PSEN1: variants seen among roughly 807,000 people sequenced by gnomAD.
PSEN1 encodes the protein presenilin-1.
Under a neutral mutation model 53.5 loss-of-function variants are expected in PSEN1, and 15 were observed. The observed-to-expected ratio is 0.28, with a 90% CI of 0.19 to 0.43. The LOEUF (loss-of-function observed/expected upper bound fraction) is 0.43. PSEN1 is among the 20% of genes least tolerant of loss of function. The probability of loss-of-function intolerance (pLI) is 1.00; values close to 1 mark genes in which losing one functional copy is unlikely to be tolerated. For synonymous variants in PSEN1, 208 were observed against 209.8 expected (o/e 0.99, Z 0.08); for missense variants, 387 against 571.2 (o/e 0.68, Z 3.29).
Position 73,173,901 on chromosome 14 carries a change from C to T in PSEN1, c.480+194C>T. The T allele has an allele frequency of 8.4e-6, 6 of 713,750 alleles. No homozygotes were observed. In the South Asian group the frequency reaches 9.9e-5, roughly 12 times the overall value. The allele number at this position is 713,750 out of a possible 1,614,324, so 44.2% of individuals were successfully genotyped here. On this transcript the variant is annotated intron_variant, in intron 5 of 11. Transcript: ENST00000324501. The stretch of plus-strand genomic sequence containing the variant: ...AAGGAAGCCAGGTGCATGTGTAATG[C>T]CAGGCTCAGAGGCTGAGGCAGGAGG...
intron 5 of PSEN1, among the ~76,000 whole-genome samples, chr14:73,179,980 C>T (rs1898160366): frequency 6.6e-6 from 1 of 151,712 alleles, no homozygotes; most frequent in Non-Finnish European, 1.5e-5. Context: ...ATCCATCCTT[C>T]ATTTTATTTT....
At chr14:73,157,326 A>G (rs915061989) in intron 3 of PSEN1, among the ~76,000 whole-genome samples, 1 of 151,166 alleles carries the variant, frequency 6.6e-6, no homozygotes, top group African/African-American at 2.4e-5. Flanking sequence ...TTAAGTACAG[A>G]TGGGGTTTCA....
In PSEN1 at chr14:73,173,727, C is replaced by T. The variant is rs777923890; in HGVS notation, c.480+20C>T. On this transcript the variant is annotated intron_variant, in intron 5 of 11. Transcript: ENST00000324501. ...TATAAGGTGAGCATGAGACACAGAT[C>T]TTTGCTTTCCACCCTGTTCTTCTTA... The T allele has an allele frequency of 1.1e-5, 18 of 1,613,074 alleles. No individual in the cohort carries two copies. The African/African-American group carries it at 1.7e-4, about 16-fold the overall frequency.
At chr14:73,195,251 C>CA (rs1373427385) in intron 7 of PSEN1, among the ~76,000 whole-genome samples, 3 of 151,746 alleles carry the variant, frequency 2.0e-5, no homozygotes, top group Non-Finnish European at 4.4e-5. Context: ...CAGCTCACTA[C>CA]AACCTCTCCC....
At chr14:73,155,343 ATTAAC>A (rs964713063) in intron 3 of PSEN1, among the ~76,000 whole-genome samples, 5 of 152,198 alleles carry the variant, frequency 3.3e-5, no homozygotes, top group African/African-American at 9.6e-5. Context: ...GTTTATAGCA[ATTAAC>A]TTAGAGTTTT....
intron 4 of PSEN1, among the ~76,000 whole-genome samples, chr14:73,171,934 ATAGCAACTTGTCCTTTCTC>A (rs774672464): frequency 3.3e-5 from 5 of 152,138 alleles, no homozygotes; most frequent in Non-Finnish European, 5.9e-5. Context: ...ATCTTTTCTC[ATAGCAACTTGTCCTTTCTC>A]ACTTGTCACA....
At chr14:73,143,427 C>T (rs1896981272) in intron 1 of PSEN1, among the ~76,000 whole-genome samples, 1 of 152,196 alleles carries the variant, frequency 6.6e-6, no homozygotes, top group Non-Finnish European at 1.5e-5. Flanking sequence ...TGTTTACACT[C>T]TCTCTGTAAC....
At chr14:73,184,407 CCT>C (rs1315319748) in intron 5 of PSEN1, among the ~76,000 whole-genome samples, 24 of 124,654 alleles carry the variant, frequency 1.9e-4, no homozygotes, top group African/African-American at 6.2e-4. Flanking sequence ...CCCCCACCTC[CCT>C]CTCCGACGGG....
chr14:73,163,800 T>C (rs564677663), intron 3 of PSEN1, among the ~76,000 whole-genome samples: 2 of 152,062 alleles, frequency 1.3e-5, no homozygotes, highest in East Asian at 3.9e-4. Flanking sequence ...GAGGAACAGT[T>C]TGTGGTCAGA....
At chr14:73,154,587 TGA>T (rs1284846523) in intron 3 of PSEN1, among the ~76,000 whole-genome samples, 1 of 152,010 alleles carries the variant, frequency 6.6e-6, no homozygotes, top group Non-Finnish European at 1.5e-5. Flanking sequence ...GGCAGCAAAG[TGA>T]GACCCTGCCT....
chr14:73,138,313 G>T (rs1896807251), intron 1 of PSEN1, among the ~76,000 whole-genome samples: 1 of 151,502 alleles, frequency 6.6e-6, no homozygotes, highest in Non-Finnish European at 1.5e-5. Context: ...CCGCCTCCCG[G>T]GTTCACGCCA....
intron 3 of PSEN1, among the ~76,000 whole-genome samples, chr14:73,157,631 C>G (rs1476634629): frequency 6.6e-6 from 1 of 152,110 alleles, no homozygotes; most frequent in African/African-American, 2.4e-5. Context: ...CTTCTCCTCC[C>G]TGATTCCTCC....
intron 6 of PSEN1, among the ~76,000 whole-genome samples, chr14:73,190,352 G>T (rs1481525890): frequency 6.6e-6 from 1 of 151,856 alleles, no homozygotes; most frequent in Non-Finnish European, 1.5e-5. Context: ...AGCCAGGCGT[G>T]GTGGTGCATG....
chr14:73,176,909 C>T (rs1307557320), intron 5 of PSEN1, among the ~76,000 whole-genome samples: 2 of 152,216 alleles, frequency 1.3e-5, no homozygotes, highest in Admixed American at 1.3e-4. Context: ...CAGTCCTCAG[C>T]TCCCTGAAGT....
At chr14:73,148,564 G>A (rs1424001765) in intron 3 of PSEN1, among the ~76,000 whole-genome samples, 1 of 152,134 alleles carries the variant, frequency 6.6e-6, no homozygotes, top group Non-Finnish European at 1.5e-5. Context: ...CTGTGCTGTC[G>A]GACAAAGAGA....
chr14:73,163,670 C>G (rs1897624030), intron 3 of PSEN1, among the ~76,000 whole-genome samples: 1 of 152,122 alleles, frequency 6.6e-6, no homozygotes, highest in Non-Finnish European at 1.5e-5. Flanking sequence ...TCAGGAAATT[C>G]TCTCTCTACC....
intron 8 of PSEN1, among the ~76,000 whole-genome samples, chr14:73,202,446 A>T (rs1243197458): frequency 1.1e-3 from 16 of 14,782 alleles, no homozygotes; most frequent in African/African-American, 4.4e-3. Context: ...ATATATATAT[A>T]TATATATATA....
chr14:73,201,639 T>G (rs1899192314), intron 8 of PSEN1, among the ~76,000 whole-genome samples: 2 of 152,174 alleles, frequency 1.3e-5, no homozygotes, highest in Non-Finnish European at 2.9e-5. Flanking sequence ...GTAAATGTCA[T>G]GTACTACATC....
At position 73,153,662 on chromosome 14, in the gene PSEN1, A is replaced by ATT. The variant is rs34369135; in HGVS notation, c.87+5569_87+5570dup. Among the ~76,000 whole-genome samples, 1,883 of 138,574 alleles carry ATT rather than the reference A, an allele frequency of 0.014. 82 individuals are homozygous for ATT. The East Asian group carries it at 0.17, about 13-fold the overall frequency. The allele number at this position is 138,574 out of a possible 152,430, so 90.9% of individuals were successfully genotyped here. On this transcript the variant is annotated intron_variant, in intron 3 of 11. Coordinates refer to ENST00000324501, the MANE Select transcript of PSEN1 (RefSeq NM_000021.4). The stretch of plus-strand genomic sequence containing the variant: ...AAATTCAAACAATATCCATTAAGTC[A>ATT]TTTTTTTTTTTTTTGCCCATTAAGT...
Sources: allele counts gnomAD v4.1 joint callset (sites outside exome capture counted in the v4.1 genomes callset), GRCh38; gene constraint gnomAD v4.1.1; transcripts MANE v1.5; gene names NCBI Gene and HGNC (gene_info 2026-07-23, HGNC 2026-07-21).